The following TCTN1 variants were observed in gnomAD, a reference collection of about 807,000 sequenced individuals.
TCTN1 encodes the protein tectonic family member 1, also known as tectonic-1.
In TCTN1, 58 loss-of-function variants were observed where a neutral mutation model predicts 65.8. The ratio of observed to expected loss-of-function variants is 0.88; its 90% CI spans 0.71 to 1.10. The LOEUF (loss-of-function observed/expected upper bound fraction) is 1.10. TCTN1 is among the 50% of genes least tolerant of loss of function. The probability of loss-of-function intolerance (pLI) is 0.00; values close to 1 mark genes in which losing one functional copy is unlikely to be tolerated. For missense variants in TCTN1, 645 were observed against 719.4 expected, an observed-to-expected ratio of 0.90 and a Z score of 1.18; for synonymous variants, 273 against 289.1, an observed-to-expected ratio of 0.94 and a Z score of 0.57.
rs1283660238 is a variant in TCTN1, at chr12:110,632,494, C to T, written c.647C>T (p.Ser216Leu). The T allele has an allele frequency of 6.2e-7, 1 of 1,614,026 alleles. No individual in the cohort carries two copies. Residue 216 changes from serine (S) to leucine (L), a missense_variant, in exon 5 of 15, where the codon TCA (serine) becomes TTA (leucine). By Grantham distance (145) the Ser-to-Leu change is moderately radical (BLOSUM62 -2). Transcript: ENST00000397659. ...KYEYGVPLQT[S>L]DSFLRFPSSL... ...CAGTATGGGGTTCCTCTGCAGACTTCAGATTCGTTTCTGAGATTTCCTTCG... is the reference window on the plus strand; with the variant it reads ...CAGTATGGGGTTCCTCTGCAGACTTTAGATTCGTTTCTGAGATTTCCTTCG...
intron 3 of TCTN1, 143 bp downstream of exon 3, chr12:110,626,635 A>G: frequency 2.4e-6 from 2 of 843,900 alleles, no homozygotes; most frequent in Non-Finnish European, 3.6e-6. Context: ...GCTGGCGTGC[A>G]GTGGCGCAAT....
chr12:110,617,851 G>T (rs1378613454), intron 1 of TCTN1, among the ~76,000 whole-genome samples: 2 of 151,906 alleles, frequency 1.3e-5, no homozygotes, highest in Non-Finnish European at 2.9e-5. Context: ...ATGTCGGCCA[G>T]GCTGGTCTGG....
At chr12:110,642,613 T>C (rs1300657225) in intron 11 of TCTN1, among the ~76,000 whole-genome samples, 1 of 152,186 alleles carries the variant, frequency 6.6e-6, no homozygotes, top group Admixed American at 6.5e-5. Flanking sequence ...CTTTTTCTTT[T>C]TTTAAGAGAT....
intron 1 of TCTN1, 42 bp downstream of exon 1, chr12:110,614,444 A>T: frequency 6.4e-7 from 1 of 1,564,728 alleles, no homozygotes; most frequent in Non-Finnish European, 8.7e-7. Flanking sequence ...CAGTGATCCA[A>T]CCTCAAGGGG....
chr12:110,647,229 G>A lies in TCTN1; in HGVS notation c.1528G>A (p.Gly510Arg). Reference sequence around the variant, plus strand: ...TTTGCAGGATTCCTGCCAGCTCCCAGGGGCTTTGGTTATAGAAGTGAAGTG... The same window carrying A: ...TTTGCAGGATTCCTGCCAGCTCCCAAGGGCTTTGGTTATAGAAGTGAAGTG... ...FVLQDSCQLP[G>R]ALVIEVKWTK... The change falls in exon 13 of 15, where the codon GGG becomes AGG. Residue 510 changes from glycine (G) to arginine (R), a missense_variant. By Grantham distance (125) the Gly-to-Arg change is moderately radical. Coordinates refer to ENST00000397659, the MANE Select transcript of TCTN1 (RefSeq NM_001082538.3). The A allele has an allele frequency of 6.2e-7, 1 of 1,614,170 alleles. No individual in the cohort carries two copies. Among genetic ancestry groups the A allele is most frequent in the Non-Finnish European group, 8.5e-7 (1 of 1,180,026 alleles).
At chr12:110,628,722 A>G (rs2066020327) in intron 3 of TCTN1, 45 bp from the exon 4 acceptor site, 4 of 1,477,574 alleles carry the variant, frequency 2.7e-6, no homozygotes, top group Non-Finnish European at 3.7e-6. Context: ...CATATTATAC[A>G]TATATTTTAT....
rs940306144 is a variant in TCTN1, at chr12:110,636,469, C to G, written c.823-12C>G. 2.2e-6 allele frequency: 3 copies of G among 1,368,876 alleles called. No homozygotes were observed. Among genetic ancestry groups the G allele is most frequent in the Admixed American group, 3.5e-5 (2 of 57,308 alleles). 84.8% of individuals were successfully genotyped at this position (1,368,876 alleles called of 1,614,324 possible). ...TACTTAACACAATTTTTTGTGGTTT[C>G]TTTTTATCTAGGTACCTGATTCAAG... On this transcript the variant is annotated splice_polypyrimidine_tract_variant and intron_variant, in intron 6 of 14. Transcript: ENST00000397659.
chr12:110,640,774 T>A lies in TCTN1; in HGVS notation c.979-250T>A, dbSNP rs1389511581. Among the ~76,000 whole-genome samples the A allele has an allele frequency of 6.6e-6, 1 of 152,212 alleles. No individual in the cohort carries two copies. Among genetic ancestry groups the A allele is most frequent in the Non-Finnish European group, 1.5e-5 (1 of 68,036 alleles). ...TTTTAACATGTTTCCTCTGCAGAGA[T>A]AGGCTTATTGCATTCTGCTTGGACC... On this transcript the variant is annotated intron_variant, in intron 8 of 14. Transcript: ENST00000397659. This position sits in a 1 kb window ranked among gnomAD's most constrained non-coding sequence, Gnocchi z 4.9.
Position 110,640,313 on chromosome 12 carries a change from G to A in TCTN1, c.844-70G>A, listed in dbSNP as rs758195495. On this transcript the variant is annotated intron_variant, in intron 7 of 14. Transcript: ENST00000397659. This position sits in a 1 kb window ranked among gnomAD's most constrained non-coding sequence, Gnocchi z 4.9. ...ATATATCAGGGGAGGTTTCTTTCCA[G>A]TTGGTTGGTTATTTTAGCCCATCCT... The A allele has an allele frequency of 4.3e-5, 69 of 1,605,706 alleles. No homozygotes were observed. The highest frequency in any genetic ancestry group is 5.4e-5 in the Non-Finnish European group (63 of 1,173,504).
rs1292594936 is a variant in TCTN1, at chr12:110,639,547, G to A, written c.844-836G>A. 1.3e-5 allele frequency among the ~76,000 whole-genome samples: 2 copies of A among 152,002 alleles called. No individual in the cohort carries two copies. The highest frequency in any genetic ancestry group is 2.9e-5 in the Non-Finnish European group (2 of 68,012). ...TATTCGGGGGTGTGTGGGGGCTTAA[G>A]GATATATATCCTGGGACTGCATGTG... On this transcript the variant is annotated intron_variant, in intron 7 of 14. Coordinates refer to ENST00000397659, the MANE Select transcript of TCTN1 (RefSeq NM_001082538.3). This position sits in a 1 kb window ranked among gnomAD's most constrained non-coding sequence, Gnocchi z 4.9.
In TCTN1 at chr12:110,621,414, G is replaced by A. The variant is rs368391398; in HGVS notation, c.341+1458G>A. ...TTCAGTATTTGTTGAAAGTCATTCT[G>A]TTTTCCTCCCTTTAGTAAATACAGG... On this transcript the variant is annotated intron_variant, in intron 2 of 14. Coordinates refer to ENST00000397659, the MANE Select transcript of TCTN1 (RefSeq NM_001082538.3). 6.6e-4 allele frequency among the ~76,000 whole-genome samples: 100 copies of A among 151,638 alleles called. 2 individuals are homozygous for A. The South Asian group carries it at 0.021, about 32-fold the overall frequency.
intron 6 of TCTN1, among the ~76,000 whole-genome samples, chr12:110,635,493 C>T (rs1033265426): frequency 4.6e-5 from 7 of 152,088 alleles, no homozygotes; most frequent in East Asian, 3.8e-4. Flanking sequence ...TGGTTGTGCA[C>T]ACCTGTGGTC....
At chr12:110,648,900 C>G (rs1039219796) in intron 14 of TCTN1, 143 bp from the exon 15 acceptor site, 6 of 398,014 alleles carry the variant, frequency 1.5e-5, no homozygotes, top group Non-Finnish European at 2.9e-5. Flanking sequence ...TAGAAGCTGG[C>G]TGATGCAGCT....
intron 5 of TCTN1, 122 bp downstream of exon 5, chr12:110,632,681 C>T (rs988502533): frequency 2.1e-6 from 2 of 957,320 alleles, no homozygotes; most frequent in Non-Finnish European, 3.3e-6. Context: ...TTTGCACCAA[C>T]TTAATACTTT....
At chr12:110,641,440 G>C (rs1333748960) in intron 9 of TCTN1, 102 bp from the exon 10 acceptor site, 1 of 1,164,110 alleles carries the variant, frequency 8.6e-7, no homozygotes, top group Non-Finnish European at 1.3e-6. Flanking sequence ...TTCTTTTATT[G>C]GTTGGTAATT....
chr12:110,640,294 CA>C lies in TCTN1; in HGVS notation c.844-88del. 1 of 1,537,694 alleles carries C rather than the reference CA, an allele frequency of 6.5e-7. No homozygotes were observed. The highest frequency in any genetic ancestry group is 1.1e-5 in the South Asian group (1 of 87,754). Reference sequence around the variant, plus strand: ...TGCTTCCCCCTACTTGGCCATATATCAGGGGAGGTTTCTTTCCAGTTGGTTG... The same window carrying C: ...TGCTTCCCCCTACTTGGCCATATATCGGGGAGGTTTCTTTCCAGTTGGTTG... On this transcript the variant is annotated intron_variant, in intron 7 of 14. Coordinates refer to ENST00000397659, the MANE Select transcript of TCTN1 (RefSeq NM_001082538.3). This position sits in a 1 kb window ranked among gnomAD's most constrained non-coding sequence, Gnocchi z 4.9.
chr12:110,649,314 C>T lies in TCTN1; in HGVS notation c.*273C>T. 1 of 966,446 alleles carries T rather than the reference C, an allele frequency of 1.0e-6. No individual in the cohort carries two copies. The allele number at this position is 966,446 out of a possible 1,614,324, so 59.9% of individuals were successfully genotyped here. A position where few individuals can be genotyped will look rare whatever the true frequency, so the allele number is the denominator to read the frequency against. On this transcript the variant is annotated 3_prime_UTR_variant, in exon 15 of 15. Coordinates refer to ENST00000397659, the MANE Select transcript of TCTN1 (RefSeq NM_001082538.3). ...AGGGAGGCAGAGGTATCAAACCAAA[C>T]CTCTCACCAAGCGGCCCAGGAGGGG... is the stretch of plus-strand genomic sequence containing the variant.
intron 4 of TCTN1, among the ~76,000 whole-genome samples, chr12:110,631,405 G>A (rs2066228341): frequency 6.6e-6 from 1 of 151,796 alleles, no homozygotes. Context: ...AGGCCGAGGC[G>A]GGCAAATCAC....
chr12:110,622,370 A>G (rs766214743), intron 2 of TCTN1, among the ~76,000 whole-genome samples: 19 of 152,132 alleles, frequency 1.2e-4, no homozygotes, highest in Non-Finnish European at 2.6e-4. Flanking sequence ...TGCCAGCACC[A>G]GGGACATAAA....
Sources: gnomAD v4.1 joint callset for allele counts (sites outside exome capture counted in the v4.1 genomes callset) on GRCh38, gnomAD v4.1.1 for gene constraint, Gnocchi (gnomAD v3.1) non-coding constraint, MANE v1.5 for transcripts, NCBI Gene and HGNC (gene_info 2026-07-23, HGNC 2026-07-21) for gene names.